The following ROBO2 variants were observed in gnomAD, a reference collection of about 807,000 sequenced individuals.
ROBO2 encodes the protein roundabout guidance receptor 2, also known as roundabout homolog 2.
ROBO2 carries 53 observed loss-of-function variants against 160.8 expected under a neutral mutation model. That is an observed-to-expected ratio of 0.33 (90% CI 0.26 to 0.41). The LOEUF is 0.41. Ranked by LOEUF, ROBO2 falls within the 10% of genes least tolerant of loss-of-function variation. The probability of loss-of-function intolerance (pLI) is 1.00; values close to 1 mark genes in which losing one functional copy is unlikely to be tolerated. For missense variants in ROBO2, 1,577 were observed against 1,722.4 expected (o/e 0.92, Z 1.49); for synonymous variants, 664 against 611.7 (o/e 1.09, Z -1.26).
Position 77,282,797 on chromosome 3 carries a change from G to T in ROBO2, c.388+184457G>T, listed in dbSNP as rs185702234. Reference sequence around the variant, plus strand: ...TAATATAATGATCAGAAAAATTGGGGGTCTAATCAATTAATTTGAAAATCT... The same window carrying T: ...TAATATAATGATCAGAAAAATTGGGTGTCTAATCAATTAATTTGAAAATCT... On this transcript the variant is annotated intron_variant, in intron 2 of 25. Transcript: ENST00000461745. 8.4e-4 allele frequency among the ~76,000 whole-genome samples: 127 copies of T among 151,542 alleles called. 2 individuals are homozygous for T. Among genetic ancestry groups the T allele is most frequent in the South Asian group, 2.1e-4 (1 of 4,780 alleles).
At chr3:76,265,174 G>A (rs1707020748) in intron 2 of ROBO2, among the ~76,000 whole-genome samples, 1 of 152,080 alleles carries the variant, frequency 6.6e-6, no homozygotes, top group African/African-American at 2.4e-5. Flanking sequence ...TTCTGCTTCA[G>A]AGCCTTTGCT....
intron 2 of ROBO2, among the ~76,000 whole-genome samples, chr3:77,432,152 C>T (rs1367045813): frequency 6.6e-6 from 1 of 152,060 alleles, no homozygotes; most frequent in Non-Finnish European, 1.5e-5. Context: ...TGTTAATAAA[C>T]ATAGTAAGAA....
At chr3:76,031,614 A>G (rs2066921989) in intron 2 of ROBO2, among the ~76,000 whole-genome samples, 2 of 152,108 alleles carry the variant, frequency 1.3e-5, no homozygotes, top group South Asian at 4.1e-4. Flanking sequence ...GAATCTATTG[A>G]GATAATCGTG....
chr3:77,288,183 A>C (rs1363343006), intron 2 of ROBO2, among the ~76,000 whole-genome samples: 1 of 152,188 alleles, frequency 6.6e-6, no homozygotes, highest in East Asian at 1.9e-4. Flanking sequence ...AATTGTTTTT[A>C]GAAATTGTGG....
chr3:77,464,773 C>A (rs1438911537), intron 2 of ROBO2, among the ~76,000 whole-genome samples: 1 of 152,090 alleles, frequency 6.6e-6, no homozygotes, highest in East Asian at 1.9e-4. Context: ...TTAGTCCATA[C>A]TTCATATCCA....
chr3:76,106,043 C>T (rs952143542), intron 2 of ROBO2, among the ~76,000 whole-genome samples: 7 of 152,034 alleles, frequency 4.6e-5, no homozygotes, highest in Non-Finnish European at 1.5e-5. Flanking sequence ...TATTCTGTGC[C>T]ACTTTTAGAA....
chr3:76,910,925 C>T (rs116194687), intron 2 of ROBO2, among the ~76,000 whole-genome samples: 1,671 of 151,690 alleles, frequency 0.011, 22 homozygotes, highest in Non-Finnish European at 0.017. Context: ...TTGCTTCATT[C>T]GAATACATTA....
intron 1 of ROBO2, among the ~76,000 whole-genome samples, chr3:77,057,530 A>G (rs978256252): frequency 6.7e-6 from 1 of 149,816 alleles, no homozygotes; most frequent in African/African-American, 2.5e-5. Flanking sequence ...TTGTGAGTTA[A>G]TTACTAATGT....
chr3:76,191,123 G>A (rs1363189508), intron 2 of ROBO2, among the ~76,000 whole-genome samples: 1 of 152,098 alleles, frequency 6.6e-6, no homozygotes, highest in African/African-American at 2.4e-5. Flanking sequence ...TTAGACTACA[G>A]AGCAAGGAGA....
Position 77,565,226 on chromosome 3 carries a change from T to G in ROBO2, c.1849+106T>G. On this transcript the variant is annotated intron_variant, in intron 12 of 25. Coordinates refer to ENST00000461745, the Ensembl canonical transcript of ROBO2. Reference sequence around the variant, plus strand: ...ATACATGTGCCTGCATTGCTTTGTATGATGGCTCACTAGGCTTTATCCAGG... The same window carrying G: ...ATACATGTGCCTGCATTGCTTTGTAGGATGGCTCACTAGGCTTTATCCAGG... The G allele has an allele frequency of 4.0e-6, 5 of 1,260,334 alleles. No homozygotes were observed. In the South Asian group the frequency reaches 6.0e-5, roughly 15 times the overall value. 78.1% of individuals were successfully genotyped at this position (1,260,334 alleles called of 1,614,324 possible). A position where few individuals can be genotyped will look rare whatever the true frequency, so the allele number is the denominator to read the frequency against.
intron 2 of ROBO2, among the ~76,000 whole-genome samples, chr3:75,982,998 T>C (rs1001701435): frequency 6.6e-6 from 1 of 151,432 alleles, no homozygotes; most frequent in African/African-American, 2.4e-5. Context: ...GTGAGGAAGG[T>C]TATATGCTGT....
At chr3:77,381,246 C>A (rs1478539552) in intron 2 of ROBO2, among the ~76,000 whole-genome samples, 2 of 152,048 alleles carry the variant, frequency 1.3e-5, no homozygotes, top group African/African-American at 4.8e-5. Flanking sequence ...ACCCGGGAGG[C>A]GGAGGTTGCA....
intron 2 of ROBO2, among the ~76,000 whole-genome samples, chr3:77,298,506 G>C (rs1347542220): frequency 6.6e-6 from 1 of 152,174 alleles, no homozygotes; most frequent in Non-Finnish European, 1.5e-5. Flanking sequence ...TTCTTAGTCT[G>C]TCATGCTGCC....
intron 2 of ROBO2, among the ~76,000 whole-genome samples, chr3:76,131,218 A>G (rs891511431): frequency 5.3e-5 from 8 of 152,172 alleles, no homozygotes; most frequent in Non-Finnish European, 1.0e-4. Context: ...TTCACCTGCT[A>G]TATGCAATTA....
At chr3:76,527,962 A>G (rs2082033664) in intron 2 of ROBO2, among the ~76,000 whole-genome samples, 1 of 152,088 alleles carries the variant, frequency 6.6e-6, no homozygotes, top group South Asian at 2.1e-4. Flanking sequence ...TACCCTGTCT[A>G]GCCAGAAGGA....
intron 7 of ROBO2, among the ~76,000 whole-genome samples, chr3:77,549,266 T>C (rs953689271): frequency 1.3e-5 from 2 of 152,040 alleles, no homozygotes; most frequent in African/African-American, 4.8e-5. Flanking sequence ...AAAGCCCATC[T>C]GATATATTAG....
chr3:76,715,499 G>C (rs1428473732), intron 2 of ROBO2, among the ~76,000 whole-genome samples: 3 of 152,104 alleles, frequency 2.0e-5, no homozygotes, highest in African/African-American at 7.2e-5. Flanking sequence ...AGTTCTCAAA[G>C]CATTTCCTTT....
At chr3:75,961,918 T>A (rs556515120) in intron 2 of ROBO2, among the ~76,000 whole-genome samples, 1 of 151,320 alleles carries the variant, frequency 6.6e-6, no homozygotes, top group Non-Finnish European at 1.5e-5. Context: ...AAAACATTAA[T>A]CAATTGATTA....
intron 2 of ROBO2, among the ~76,000 whole-genome samples, chr3:77,330,539 A>T (rs1371454259): frequency 6.6e-6 from 1 of 152,222 alleles, no homozygotes; most frequent in Non-Finnish European, 1.5e-5. Context: ...CAAAAAGAAA[A>T]TAAAGATTAT....
Sources: allele counts gnomAD v4.1 joint callset (sites outside exome capture counted in the v4.1 genomes callset), GRCh38; gene constraint gnomAD v4.1.1; transcripts MANE v1.5; gene names NCBI Gene and HGNC (gene_info 2026-07-23, HGNC 2026-07-21).